The following ARK2C variants were observed in gnomAD, a reference collection of about 807,000 sequenced individuals.
ARK2C encodes arkadia (RNF111) C-terminal like ring finger ubiquitin ligase 2C, also known as E3 ubiquitin-protein ligase ARK2C.
At chr18:46,406,871 C>T in the ARK2C span, among the ~76,000 whole-genome samples, 4 of 152,312 alleles carry the variant, frequency 2.6e-5, no homozygotes, top group East Asian at 7.7e-4. Flanking sequence ...CAGGCTCTGG[C>T]CCCTCTAGCC....
chr18:46,455,927 C>G, the ARK2C span: 7 of 1,217,484 alleles, frequency 5.7e-6, no homozygotes, highest in South Asian at 6.4e-5. Flanking sequence ...CAGCCACCAG[C>G]TGAGTCTGCC....
the ARK2C span, among the ~76,000 whole-genome samples, chr18:46,383,110 C>T: frequency 6.6e-6 from 1 of 152,258 alleles, no homozygotes; most frequent in South Asian, 2.1e-4. Flanking sequence ...GGCCAAGGGC[C>T]TAGCCTAGGC....
chr18:46,415,733 C>T, the ARK2C span, among the ~76,000 whole-genome samples: 1 of 152,040 alleles, frequency 6.6e-6, no homozygotes, highest in African/African-American at 2.4e-5. Context: ...TCAGTTTCTT[C>T]ATCTCTAAAA....
the ARK2C span, among the ~76,000 whole-genome samples, chr18:46,345,542 A>G: frequency 6.6e-6 from 1 of 152,180 alleles, no homozygotes; most frequent in Admixed American, 6.5e-5. Flanking sequence ...GCACAGGTGC[A>G]CCTGGGGAGC....
the ARK2C span, among the ~76,000 whole-genome samples, chr18:46,371,160 T>G: frequency 4.6e-5 from 7 of 152,136 alleles, no homozygotes; most frequent in Non-Finnish European, 5.9e-5. Flanking sequence ...TTCACCATCA[T>G]GAGAACAGTA....
the ARK2C span, chr18:46,456,723 C>T: frequency 1.1e-6 from 1 of 916,864 alleles, no homozygotes; most frequent in Non-Finnish European, 1.8e-6. Flanking sequence ...GCCTTCTGAG[C>T]CATTTGACGT....
chr18:46,420,096 C>T, the ARK2C span, among the ~76,000 whole-genome samples: 1 of 152,192 alleles, frequency 6.6e-6, no homozygotes, highest in Non-Finnish European at 1.5e-5. Context: ...GATCTGATTT[C>T]AGGGGCGTGT....
the ARK2C span, among the ~76,000 whole-genome samples, chr18:46,356,418 G>T: frequency 6.6e-6 from 1 of 152,178 alleles, no homozygotes; most frequent in East Asian, 1.9e-4. Context: ...GGGTGGGGAG[G>T]TGCTTATTTT....
At chr18:46,416,940 G>C in the ARK2C span, among the ~76,000 whole-genome samples, 1 of 152,234 alleles carries the variant, frequency 6.6e-6, no homozygotes, top group Non-Finnish European at 1.5e-5. Flanking sequence ...TGGGAAAGTA[G>C]ACTCTGCCTT....
the ARK2C span, among the ~76,000 whole-genome samples, chr18:46,364,109 G>A: frequency 1.3e-5 from 2 of 151,544 alleles, no homozygotes. Flanking sequence ...CACCATGTCC[G>A]GCTAATTTTT....
At chr18:46,387,893 A>G in the ARK2C span, among the ~76,000 whole-genome samples, 3,626 of 152,332 alleles carry the variant, frequency 0.024, 140 homozygotes, top group African/African-American at 0.083. Flanking sequence ...TCCAGCTCTT[A>G]GGACTGGGGC....
chr18:46,349,423 A>G, the ARK2C span, among the ~76,000 whole-genome samples: 4 of 152,162 alleles, frequency 2.6e-5, no homozygotes, highest in African/African-American at 9.7e-5. Flanking sequence ...TCACTCTTGG[A>G]ATCGAATCAC....
At chr18:46,422,728 A>G in the ARK2C span, among the ~76,000 whole-genome samples, 1 of 152,180 alleles carries the variant, frequency 6.6e-6, no homozygotes, top group East Asian at 1.9e-4. Context: ...CTGGTGGGCC[A>G]AAAAGGGCCC....
At chr18:46,447,818 C>T in the ARK2C span, 180 of 1,102,636 alleles carry the variant, frequency 1.6e-4, no homozygotes, top group Admixed American at 6.0e-4. Flanking sequence ...CCCTGTGCCC[C>T]GGCTTCCACA....
the ARK2C span, among the ~76,000 whole-genome samples, chr18:46,398,268 C>T: frequency 6.6e-6 from 1 of 150,810 alleles, no homozygotes; most frequent in Non-Finnish European, 1.5e-5. Flanking sequence ...GGTGTGTGTG[C>T]ATGTGGTGTG....
At chr18:46,357,407 T>C in the ARK2C span, among the ~76,000 whole-genome samples, 2 of 152,152 alleles carry the variant, frequency 1.3e-5, no homozygotes, top group Admixed American at 6.5e-5. Context: ...CAAGTCAATA[T>C]GAAATTGTGA....
chr18:46,454,107 T>G, the ARK2C span, among the ~76,000 whole-genome samples: 2 of 69,450 alleles, frequency 2.9e-5, no homozygotes, highest in Admixed American at 2.3e-4. Context: ...GGCAAGGCCG[T>G]CTCAAAAAAA....
the ARK2C span, among the ~76,000 whole-genome samples, chr18:46,445,615 G>T: frequency 0.012 from 1,799 of 152,222 alleles, 35 homozygotes; most frequent in African/African-American, 0.041. Flanking sequence ...CTGGAAATAA[G>T]ATCTCTGAAT....
chr18:46,344,842 C>T, the ARK2C span, among the ~76,000 whole-genome samples: 2 of 152,204 alleles, frequency 1.3e-5, no homozygotes, highest in East Asian at 1.9e-4. Context: ...AGAGAGACAG[C>T]GGAGGTAGCT....
Sources: allele counts gnomAD v4.1 joint callset (sites outside exome capture counted in the v4.1 genomes callset), GRCh38; gene constraint gnomAD v4.1.1; transcripts MANE v1.5; gene names NCBI Gene and HGNC (gene_info 2026-07-23, HGNC 2026-07-21).